The following ACVR1C variants were observed in gnomAD, a reference collection of about 807,000 sequenced individuals.
ACVR1C encodes activin receptor type-1C.
ACVR1C carries 23 observed loss-of-function variants against 57.9 expected under a neutral mutation model. The observed-to-expected ratio is 0.40, with a 90% CI of 0.29 to 0.56. The LOEUF is 0.56. Among genes scored for constraint, ACVR1C ranks in the 20% least tolerant of loss-of-function variants. The probability of loss-of-function intolerance (pLI) is 0.50; values close to 1 mark genes in which losing one functional copy is unlikely to be tolerated. For missense variants in ACVR1C, 480 were observed against 607.9 expected (o/e 0.79, Z 2.21); for synonymous variants, 214 against 215.3 (o/e 0.99, Z 0.05).
intron 6 of ACVR1C, among the ~76,000 whole-genome samples, chr2:157,541,420 A>G (rs115973185): frequency 0.014 from 2,091 of 152,278 alleles, 57 homozygotes; most frequent in African/African-American, 0.048. Context: ...GAACAATTTT[A>G]TTACACATTG....
In ACVR1C at chr2:157,532,707, T is replaced by C. The variant is rs982609408; in HGVS notation, c.*1211A>G. ...TTCTTCTGTACTCACTCACTCACTG[T>C]GAAAGGGTAGAGGAATATCTATTTG... On this transcript the variant is annotated 3_prime_UTR_variant, in exon 9 of 9. Transcript: ENST00000243349. The C allele has an allele frequency of 1.3e-5, 2 of 152,154 alleles. No homozygotes were observed. The highest frequency in any genetic ancestry group is 4.8e-5 in the African/African-American group (2 of 41,438). 9.4% of individuals were successfully genotyped at this position (152,154 alleles called of 1,614,324 possible). A position where few individuals can be genotyped will look rare whatever the true frequency, so the allele number is the denominator to read the frequency against.
intron 2 of ACVR1C, among the ~76,000 whole-genome samples, chr2:157,558,633 T>G (rs1347609864): frequency 6.6e-6 from 1 of 152,190 alleles, no homozygotes; most frequent in Non-Finnish European, 1.5e-5. Flanking sequence ...ATTACCAACT[T>G]TTCTTCCCCT....
rs551375389 is a variant in ACVR1C, at chr2:157,582,240, G to A, written c.304+4947C>T. 5.3e-5 allele frequency among the ~76,000 whole-genome samples: 8 copies of A among 152,244 alleles called. No individual in the cohort carries two copies. The East Asian group carries it at 1.3e-3, about 26-fold the overall frequency. On this transcript the variant is annotated intron_variant, in intron 2 of 8. Transcript: ENST00000243349. ...CTCAAGAAGCTAAGGTAGAAAGATC[G>A]CTTGAGCCCAGGAGTTCAAGGCTGC...
At chr2:157,599,851 A>C (rs1479582950) in intron 1 of ACVR1C, among the ~76,000 whole-genome samples, 1 of 152,178 alleles carries the variant, frequency 6.6e-6, no homozygotes, top group Non-Finnish European at 1.5e-5. Context: ...TAAAGAAAAA[A>C]CACCACAGGA....
At chr2:157,541,241 C>A (rs373981318) in intron 6 of ACVR1C, 27 bp from the exon 7 acceptor site, 259 of 1,603,192 alleles carry the variant, frequency 1.6e-4, no homozygotes, top group Non-Finnish European at 2.1e-4. Context: ...ATTTCAGATT[C>A]TGTCTATGAC....
At position 157,528,456 on chromosome 2, in the gene ACVR1C, C is replaced by T. The variant is rs767368117; in HGVS notation, c.*5462G>A. The T allele has an allele frequency of 6.6e-6, 1 of 152,104 alleles. No homozygotes were observed. The highest frequency in any genetic ancestry group is 2.4e-5 in the African/African-American group (1 of 41,424). The allele number at this position is 152,104 out of a possible 1,614,324, so 9.4% of individuals were successfully genotyped here. On this transcript the variant is annotated 3_prime_UTR_variant, in exon 9 of 9. Transcript: ENST00000243349. ...AAATATTAAAATCTAGGATGAAATACAGCTCATATTCTCTCGAATGTATTC... is the reference window on the plus strand; with the variant it reads ...AAATATTAAAATCTAGGATGAAATATAGCTCATATTCTCTCGAATGTATTC...
intron 3 of ACVR1C, among the ~76,000 whole-genome samples, chr2:157,550,877 G>A (rs991148981): frequency 6.6e-6 from 1 of 151,996 alleles, no homozygotes; most frequent in African/African-American, 2.4e-5. Context: ...ATGATCATGT[G>A]AGATAATGAT....
Position 157,538,700 on chromosome 2 carries a change from A to G in ACVR1C, c.1229T>C (p.Ile410Thr), listed in dbSNP as rs781312119. Residue 410 changes from isoleucine (I) to threonine (T), a missense_variant, in exon 8 of 9, where the codon ATT becomes ACT. Ile to Thr is a moderately conservative substitution (Grantham distance 89, BLOSUM62 -1). Coordinates refer to ENST00000243349, the MANE Select transcript of ACVR1C (RefSeq NM_145259.3). ...ATAAGGCAATTGGTACTCCTCAACA[A>G]TTCCTGTAAGAAATTTGTATAATAA... ...EIARRCSVGG[I>T]VEEYQLPYYD... The G allele has an allele frequency of 6.8e-7, 1 of 1,475,302 alleles. No individual in the cohort carries two copies. The highest frequency in any genetic ancestry group is 9.0e-7 in the Non-Finnish European group (1 of 1,113,426). 91.4% of individuals were successfully genotyped at this position (1,475,302 alleles called of 1,614,324 possible).
chr2:157,617,376 G>A (rs888407081), intron 1 of ACVR1C, among the ~76,000 whole-genome samples: 1 of 151,970 alleles, frequency 6.6e-6, no homozygotes, highest in Non-Finnish European at 1.5e-5. Context: ...TATAGATGAT[G>A]AGAACAACAC....
rs1003681762 is a variant in ACVR1C at position 157,529,008 on chromosome 2, T to C, written c.*4910A>G. 3 of 152,002 alleles carry C rather than the reference T, an allele frequency of 2.0e-5. No individual in the cohort carries two copies. The highest frequency in any genetic ancestry group is 7.2e-5 in the African/African-American group (3 of 41,414). The allele number at this position is 152,002 out of a possible 1,614,324, so 9.4% of individuals were successfully genotyped here. A position where few individuals can be genotyped will look rare whatever the true frequency, so the allele number is the denominator to read the frequency against. ...TGGGATTGATGAGATCTGCCAAACA[T>C]TTTTTAATGCACTAAAAGAAGATGA... On this transcript the variant is annotated 3_prime_UTR_variant, in exon 9 of 9. Transcript: ENST00000243349.
At chr2:157,581,008 T>C (rs1688776590) in intron 2 of ACVR1C, among the ~76,000 whole-genome samples, 1 of 152,138 alleles carries the variant, frequency 6.6e-6, no homozygotes, top group South Asian at 2.1e-4. Context: ...GTGTATCCCT[T>C]ACAGGCAGGC....
intron 7 of ACVR1C, among the ~76,000 whole-genome samples, chr2:157,539,047 T>C (rs1687558657): frequency 6.6e-6 from 1 of 150,838 alleles, no homozygotes; most frequent in Admixed American, 6.6e-5. Flanking sequence ...TTATTAAAAT[T>C]ATGTAAATTT....
rs1687546356 is a variant in ACVR1C, at chr2:157,538,710, G to C, written c.1226-7C>G. On this transcript the variant is annotated splice_polypyrimidine_tract_variant and splice_region_variant and intron_variant, in intron 7 of 8. Coordinates refer to ENST00000243349, the MANE Select transcript of ACVR1C (RefSeq NM_145259.3). The stretch of plus-strand genomic sequence containing the variant: ...TGGTACTCCTCAACAATTCCTGTAA[G>C]AAATTTGTATAATAAATTTCCATGT... 2 of 1,463,976 alleles carry C rather than the reference G, an allele frequency of 1.4e-6. No homozygotes were observed. The highest frequency in any genetic ancestry group is 2.9e-5 in the African/African-American group (2 of 68,882). 90.7% of individuals were successfully genotyped at this position (1,463,976 alleles called of 1,614,324 possible). A position where few individuals can be genotyped will look rare whatever the true frequency, so the allele number is the denominator to read the frequency against.
At chr2:157,597,350 C>T (rs1232095200) in intron 1 of ACVR1C, 8 of 985,568 alleles carry the variant, frequency 8.1e-6, no homozygotes, top group East Asian at 1.1e-4. Context: ...CCCCGGGGAG[C>T]TCCCCTTGCC....
At chr2:157,606,087 C>T (rs1286777592) in intron 1 of ACVR1C, among the ~76,000 whole-genome samples, 1 of 151,616 alleles carries the variant, frequency 6.6e-6, no homozygotes, top group African/African-American at 2.4e-5. Context: ...TTGCACTTGA[C>T]AAAATGACCT....
intron 1 of ACVR1C, among the ~76,000 whole-genome samples, chr2:157,589,860 A>G (rs562428785): frequency 5.3e-5 from 8 of 152,070 alleles, no homozygotes; most frequent in African/African-American, 1.9e-4. Context: ...CAGATTAGAG[A>G]ATCCAGAAAT....
At chr2:157,624,266 A>G (rs1331573883) in intron 1 of ACVR1C, among the ~76,000 whole-genome samples, 1 of 152,174 alleles carries the variant, frequency 6.6e-6, no homozygotes. Flanking sequence ...ACTTCAAACT[A>G]TATCAGAATA....
chr2:157,566,959 T>C (rs1158092516), intron 2 of ACVR1C, among the ~76,000 whole-genome samples: 2 of 124,880 alleles, frequency 1.6e-5, no homozygotes, highest in Non-Finnish European at 3.4e-5. Flanking sequence ...CAGACTTAAG[T>C]GTCCCTGTCT....
At chr2:157,582,136 T>C (rs752951509) in intron 2 of ACVR1C, among the ~76,000 whole-genome samples, 12 of 152,122 alleles carry the variant, frequency 7.9e-5, no homozygotes, top group Non-Finnish European at 2.9e-5. Context: ...TGTGCAACAT[T>C]GTAGGACCCC....
Sources: allele counts gnomAD v4.1 joint callset (sites outside exome capture counted in the v4.1 genomes callset), GRCh38; gene constraint gnomAD v4.1.1; transcripts MANE v1.5; gene names NCBI Gene and HGNC (gene_info 2026-07-23, HGNC 2026-07-21).